Variants in KCNQ1 observed in about 807,000 individuals in gnomAD.
KCNQ1 encodes potassium voltage-gated channel subfamily Q member 1.
In KCNQ1, 49 loss-of-function variants were observed where a neutral mutation model predicts 72.4. That is an observed-to-expected ratio of 0.68 (90% confidence interval 0.54 to 0.86). The LOEUF is 0.86. Ranked by LOEUF, KCNQ1 falls within the 40% of genes least tolerant of loss-of-function variation. The pLI is 0.00. For synonymous variants in KCNQ1, 450 were observed against 412.6 expected, an observed-to-expected ratio of 1.09 and a Z score of -1.10; for missense variants, 790 against 945.1, an observed-to-expected ratio of 0.84 and a Z score of 2.15.
At chr11:2,738,622 C>T (rs968121163) in intron 11 of KCNQ1, among the ~76,000 whole-genome samples, 14 of 152,184 alleles carry the variant, frequency 9.2e-5, no homozygotes, top group African/African-American at 3.4e-4. Context: ...CCCGAGTCAC[C>T]AGGAGATGCA....
In KCNQ1 at chr11:2,486,702, G is replaced by A. The variant is rs760478372; in HGVS notation, c.386+41218G>A. Among the ~76,000 whole-genome samples the A allele has an allele frequency of 1.1e-4, 17 of 152,218 alleles. No individual in the cohort carries two copies. The highest frequency in any genetic ancestry group is 2.1e-4 in the Non-Finnish European group (14 of 68,042). The stretch of plus-strand genomic sequence containing the variant: ...AGAGCCTCAGGAAGCTTCCAATCAC[G>A]GCAGAAGGTGAAGCGGGAGTAGGTG... On this transcript the variant is annotated intron_variant, in intron 1 of 15. Transcript: ENST00000155840. This position sits in a 1 kb window ranked among gnomAD's most constrained non-coding sequence, Gnocchi z 5.0.
chr11:2,710,423 G>A lies in KCNQ1; in HGVS notation c.1514+48342G>A, dbSNP rs912093159. ...TCAGATATATTTTCTTCCTTTTTGTGGGTTGTCTTTTCACTTTCTTGATCA... is the reference window on the plus strand; with the variant it reads ...TCAGATATATTTTCTTCCTTTTTGTAGGTTGTCTTTTCACTTTCTTGATCA... On this transcript the variant is annotated intron_variant, in intron 11 of 15. Coordinates refer to ENST00000155840, the MANE Select transcript of KCNQ1 (RefSeq NM_000218.3). This position sits in a 1 kb window ranked among gnomAD's most constrained non-coding sequence, Gnocchi z 4.1. Among the ~76,000 whole-genome samples, 5 of 151,932 alleles carry A rather than the reference G, an allele frequency of 3.3e-5. No individual in the cohort carries two copies. The highest frequency in any genetic ancestry group is 1.2e-4 in the African/African-American group (5 of 41,344).
chr11:2,572,710 G>T, intron 5 of KCNQ1, 136 bp from the exon 6 acceptor site: 1 of 1,130,060 alleles, frequency 8.8e-7, no homozygotes, highest in Non-Finnish European at 1.3e-6. Flanking sequence ...TATTGAAGCC[G>T]GCCCTGTGCA....
intron 11 of KCNQ1, among the ~76,000 whole-genome samples, chr11:2,717,363 C>T (rs1851110757): frequency 6.6e-6 from 1 of 152,210 alleles, no homozygotes; most frequent in Admixed American, 6.5e-5. Flanking sequence ...CAGCCCACAC[C>T]TCTGCGCACA....
At chr11:2,469,737 G>A (rs932326877) in intron 1 of KCNQ1, among the ~76,000 whole-genome samples, 4 of 150,996 alleles carry the variant, frequency 2.6e-5, no homozygotes, top group Admixed American at 1.3e-4. Context: ...GCAGTGGCGC[G>A]ATCTCGGCTC....
chr11:2,732,796 C>T lies in KCNQ1; in HGVS notation c.1515-36048C>T, dbSNP rs916849586. Among the ~76,000 whole-genome samples the T allele has an allele frequency of 2.6e-5, 4 of 152,282 alleles. No homozygotes were observed. In the Middle Eastern group the frequency reaches 0.01, roughly 388 times the overall value. ...CGCCACCGAGGCCTCGCCTTGCAGC[C>T]GGAGCCTGGGGGCCTCTGTCCCACC... On this transcript the variant is annotated intron_variant, in intron 11 of 15. Coordinates refer to ENST00000155840, the MANE Select transcript of KCNQ1 (RefSeq NM_000218.3).
chr11:2,586,915 C>G (rs1848600189), intron 8 of KCNQ1, among the ~76,000 whole-genome samples: 1 of 152,180 alleles, frequency 6.6e-6, no homozygotes, highest in African/African-American at 2.4e-5. Flanking sequence ...CGCTGCACAA[C>G]TGCTCCCCCG....
intron 12 of KCNQ1, among the ~76,000 whole-genome samples, chr11:2,773,961 A>G (rs1846648163): frequency 6.6e-6 from 1 of 151,986 alleles, no homozygotes; most frequent in Non-Finnish European, 1.5e-5. Flanking sequence ...CATATTACAG[A>G]AGGGGGAATC....
chr11:2,474,345 A>T (rs1846539054), intron 1 of KCNQ1, among the ~76,000 whole-genome samples: 2 of 152,142 alleles, frequency 1.3e-5, no homozygotes, highest in Non-Finnish European at 1.5e-5. Flanking sequence ...ATGCCAGGGC[A>T]GTGAGGCTCA....
intron 11 of KCNQ1, among the ~76,000 whole-genome samples, chr11:2,760,766 A>G (rs7938536): frequency 0.024 from 3,683 of 152,176 alleles, 131 homozygotes; most frequent in East Asian, 0.14. Context: ...CTGAAATGGG[A>G]AAGGTTTCCT....
chr11:2,836,583 G>T (rs553402535), intron 15 of KCNQ1, among the ~76,000 whole-genome samples: 2 of 152,320 alleles, frequency 1.3e-5, no homozygotes, highest in Middle Eastern at 3.4e-3. Flanking sequence ...CACCAGCAGG[G>T]ACTGGGTGGT....
At chr11:2,467,990 G>T (rs1210731555) in intron 1 of KCNQ1, among the ~76,000 whole-genome samples, 3 of 152,212 alleles carry the variant, frequency 2.0e-5, no homozygotes, top group Admixed American at 1.3e-4. Flanking sequence ...GTGGGTGCAG[G>T]CCATGTGCCT....
chr11:2,613,408 C>T lies in KCNQ1; in HGVS notation c.1393+24554C>T, dbSNP rs572105480. 404 of 398,472 alleles carry T rather than the reference C, an allele frequency of 1.0e-3. No individual in the cohort carries two copies. The highest frequency in any genetic ancestry group is 1.6e-3 in the Non-Finnish European group (357 of 226,038). 24.7% of individuals were successfully genotyped at this position (398,472 alleles called of 1,614,324 possible). ...GCCTCCAATTATTTGCCACTGAAAT[C>T]CTTGTTGCTTAACATAGTGCATAGG... On this transcript the variant is annotated intron_variant, in intron 10 of 15. Transcript: ENST00000155840. The surrounding 1 kb of genome is among the most constrained non-coding windows in gnomAD (Gnocchi z 4.8).
chr11:2,528,999 CAG>C (rs1041381521), intron 2 of KCNQ1, among the ~76,000 whole-genome samples: 3 of 152,198 alleles, frequency 2.0e-5, no homozygotes, highest in Admixed American at 6.5e-5. Flanking sequence ...CAGCCCTGAC[CAG>C]GTTAACTGTG....
At position 2,677,438 on chromosome 11, in the gene KCNQ1, T is replaced by A. The variant is rs1287140960; in HGVS notation, c.1514+15357T>A. On this transcript the variant is annotated intron_variant, in intron 11 of 15. Transcript: ENST00000155840. This position sits in a 1 kb window ranked among gnomAD's most constrained non-coding sequence, Gnocchi z 4.5. ...CAGAGGACAGCAGGGGAGATGATAATTGATGCAGGTGGCCTCTTGGTCAAG... is the reference window on the plus strand; with the variant it reads ...CAGAGGACAGCAGGGGAGATGATAAATGATGCAGGTGGCCTCTTGGTCAAG... 2.5e-6 allele frequency: 1 copy of A among 398,444 alleles called. No homozygotes were observed. Among genetic ancestry groups the A allele is most frequent in the Non-Finnish European group, 4.4e-6 (1 of 226,062 alleles). The allele number at this position is 398,444 out of a possible 1,614,324, so 24.7% of individuals were successfully genotyped here.
intron 10 of KCNQ1, chr11:2,629,166 T>C (rs1388975728): frequency 2.5e-6 from 1 of 398,366 alleles, no homozygotes. Context: ...GCCTTGAATC[T>C]GTAGATCACT....
chr11:2,487,406 CA>C (rs992623536), intron 1 of KCNQ1, among the ~76,000 whole-genome samples: 8 of 152,122 alleles, frequency 5.3e-5, no homozygotes, highest in Admixed American at 3.3e-4. Context: ...TCTATTTTTG[CA>C]AAAAGTGTCA....
chr11:2,467,693 C>A (rs1323220338), intron 1 of KCNQ1, among the ~76,000 whole-genome samples: 1 of 152,190 alleles, frequency 6.6e-6, no homozygotes, highest in Non-Finnish European at 1.5e-5. Flanking sequence ...ACCTGCCCCC[C>A]ACGTCAATGC....
rs568808120 is a variant in KCNQ1, at chr11:2,573,804, G to A, written c.921+818G>A. ...GGGCCGTGTCTGTGGGGGCTTCCTT[G>A]AGGGACTCAGGCTTGCACGTGGGAG... On this transcript the variant is annotated intron_variant, in intron 6 of 15. Transcript: ENST00000155840. 1.9e-4 allele frequency among the ~76,000 whole-genome samples: 29 copies of A among 152,306 alleles called. No homozygotes were observed. The South Asian group carries it at 5.8e-3, about 30-fold the overall frequency.
Sources: gnomAD v4.1 joint callset for allele counts (sites outside exome capture counted in the v4.1 genomes callset) on GRCh38, gnomAD v4.1.1 for gene constraint, Gnocchi (gnomAD v3.1) non-coding constraint, MANE v1.5 for transcripts, NCBI Gene and HGNC (gene_info 2026-07-23, HGNC 2026-07-21) for gene names.